SLC8A1: variants seen among roughly 807,000 people sequenced by gnomAD.
The protein encoded by SLC8A1 is sodium/calcium exchanger 1.
SLC8A1 carries 18 observed loss-of-function variants against 68.3 expected under a neutral mutation model. That is an observed-to-expected ratio of 0.26 (90% CI 0.18 to 0.39). The LOEUF (loss-of-function observed/expected upper bound fraction) is 0.39. SLC8A1 is among the 10% of genes least tolerant of loss of function. The probability of loss-of-function intolerance (pLI) is 1.00; values close to 1 mark genes in which losing one functional copy is unlikely to be tolerated. For missense variants in SLC8A1, 985 were observed against 1,156.7 expected (o/e 0.85, Z 2.15); for synonymous variants, 475 against 415.5 (o/e 1.14, Z -1.74).
chr2:40,235,498 T>G (rs2060244766), intron 2 of SLC8A1, among the ~76,000 whole-genome samples: 1 of 152,126 alleles, frequency 6.6e-6, no homozygotes, highest in African/African-American at 2.4e-5. Flanking sequence ...CTTTTTTTCT[T>G]TATTAGTCTT....
chr2:40,325,707 G>A (rs186828716), intron 2 of SLC8A1, among the ~76,000 whole-genome samples: 1 of 149,226 alleles, frequency 6.7e-6, no homozygotes, highest in East Asian at 2.0e-4. Flanking sequence ...GCCAAGACGG[G>A]TGGATCACAA....
At chr2:40,156,612 T>C (rs1238840111) in intron 6 of SLC8A1, among the ~76,000 whole-genome samples, 1 of 151,972 alleles carries the variant, frequency 6.6e-6, no homozygotes, top group Non-Finnish European at 1.5e-5. Context: ...CTTCAGGGAA[T>C]TGACTGGCAT....
intron 1 of SLC8A1, among the ~76,000 whole-genome samples, chr2:40,504,303 C>A (rs1706233275): frequency 1.3e-5 from 2 of 151,880 alleles, no homozygotes. Flanking sequence ...ATACAACAAT[C>A]AAATAAAAAT....
intron 2 of SLC8A1, chr2:40,337,232 A>G: frequency 3.6e-6 from 1 of 274,746 alleles, no homozygotes. Flanking sequence ...CACTGTTTTG[A>G]AATGGTATTT....
At chr2:40,356,640 T>C (rs1472558886) in intron 2 of SLC8A1, among the ~76,000 whole-genome samples, 1 of 149,610 alleles carries the variant, frequency 6.7e-6, no homozygotes, top group African/African-American at 2.4e-5. Flanking sequence ...TATTGGATAA[T>C]GTTAAGATGT....
At chr2:40,402,967 AAAATTAAAGCCACAAATTTTTCCCCT>A (rs1689193029) in intron 2 of SLC8A1, among the ~76,000 whole-genome samples, 2 of 152,198 alleles carry the variant, frequency 1.3e-5, no homozygotes, top group Non-Finnish European at 2.9e-5. Flanking sequence ...ACAGTTAACG[AAAATTAAAGCCACAAATTTTTCCCCT>A]AATTAGACAT....
intron 7 of SLC8A1, among the ~76,000 whole-genome samples, chr2:40,116,391 C>T (rs1249546389): frequency 6.6e-6 from 1 of 152,042 alleles, no homozygotes; most frequent in Non-Finnish European, 1.5e-5. Flanking sequence ...TATACATGTG[C>T]CATGCTGGTG....
intron 2 of SLC8A1, among the ~76,000 whole-genome samples, chr2:40,212,275 T>A (rs1044972029): frequency 7.7e-6 from 1 of 130,286 alleles, no homozygotes; most frequent in African/African-American, 2.9e-5. Context: ...ACAGAAGAGA[T>A]GCAATATCTT....
At position 40,221,970 on chromosome 2, in the gene SLC8A1, A is replaced by G. The variant is rs564610403; in HGVS notation, c.1809-44115T>C. ...CAAAGTAATTTATAGATTCAATGCT[A>G]TCCCCATCAAGCTACCATTGACTTT... On this transcript the variant is annotated intron_variant, in intron 2 of 7. Transcript: ENST00000406785. Among the ~76,000 whole-genome samples, 188 of 152,302 alleles carry G rather than the reference A, an allele frequency of 1.2e-3. 1 individual carries two copies. Among genetic ancestry groups the G allele is most frequent in the Non-Finnish European group, 2.4e-3 (163 of 68,034 alleles).
At position 40,428,396 on chromosome 2, in the gene SLC8A1, C is replaced by T. The variant is rs140536465; in HGVS notation, c.1808+77G>A. The T allele has an allele frequency of 4.6e-4, 659 of 1,422,888 alleles. 5 individuals are homozygous for T. In the African/African-American group the frequency reaches 9.0e-3, roughly 19 times the overall value. 88.1% of individuals were successfully genotyped at this position (1,422,888 alleles called of 1,614,324 possible). A position where few individuals can be genotyped will look rare whatever the true frequency, so the allele number is the denominator to read the frequency against. On this transcript the variant is annotated intron_variant, in intron 2 of 7. Transcript: ENST00000406785. ...GCTATTTAATTTAAAAAATGATGCACAGACTCACATTCATAAACACACTGA... is the reference window on the plus strand; with the variant it reads ...GCTATTTAATTTAAAAAATGATGCATAGACTCACATTCATAAACACACTGA...
intron 2 of SLC8A1, among the ~76,000 whole-genome samples, chr2:40,387,411 TAA>T (rs980179404): frequency 3.5e-4 from 53 of 151,484 alleles, no homozygotes; most frequent in African/African-American, 1.2e-3. Flanking sequence ...ATGAACTGGC[TAA>T]AGTTTCCAAA....
exon 7 of SLC8A1, chr2:40,139,455 G>A (rs777179297): frequency 2.1e-5 from 34 of 1,614,150 alleles, no homozygotes; most frequent in Non-Finnish European, 2.9e-5. Context: ...GAATCTTTCA[G>A]GCCAATGGTG....
At chr2:40,465,525 C>T (rs1703619468) in intron 1 of SLC8A1, among the ~76,000 whole-genome samples, 1 of 152,114 alleles carries the variant, frequency 6.6e-6, no homozygotes, top group Non-Finnish European at 1.5e-5. Flanking sequence ...CATAATGGAA[C>T]AAGCATCTGA....
chr2:40,287,327 T>C (rs1357192687), intron 2 of SLC8A1, among the ~76,000 whole-genome samples: 1 of 152,162 alleles, frequency 6.6e-6, no homozygotes, highest in Admixed American at 6.5e-5. Context: ...ATCAACAGCT[T>C]AGAAAACAGC....
At position 40,464,093 on chromosome 2, in the gene SLC8A1, C is replaced by G. The variant is rs182200769; in HGVS notation, c.-24-33789G>C. Among the ~76,000 whole-genome samples, 663 of 152,138 alleles carry G rather than the reference C, an allele frequency of 4.4e-3. 8 individuals carry two copies. Among genetic ancestry groups the G allele is most frequent in the African/African-American group, 0.015 (630 of 41,490 alleles). ...TATTTTTAGTAGAGACGGGGTTTCA[C>G]CATATTGACTAGGCTGGTCTTGAAC... On this transcript the variant is annotated intron_variant, in intron 1 of 7. Transcript: ENST00000402441.
intron 6 of SLC8A1, among the ~76,000 whole-genome samples, chr2:40,151,156 CTTA>C (rs1335824274): frequency 2.6e-5 from 4 of 152,074 alleles, no homozygotes; most frequent in South Asian, 4.1e-4. Flanking sequence ...ATAAATATAT[CTTA>C]TGTGTACAAA....
At chr2:40,165,768 T>C (rs545071830) in intron 4 of SLC8A1, among the ~76,000 whole-genome samples, 90 of 152,210 alleles carry the variant, frequency 5.9e-4, no homozygotes, top group African/African-American at 2.1e-3. Context: ...GCTGAGGAAA[T>C]GTTAATGGAT....
At chr2:40,323,341 T>G (rs2075434671) in intron 2 of SLC8A1, among the ~76,000 whole-genome samples, 1 of 152,140 alleles carries the variant, frequency 6.6e-6, no homozygotes, top group Non-Finnish European at 1.5e-5. Context: ...ACTATTACTG[T>G]CCATAAAAAG....
intron 6 of SLC8A1, among the ~76,000 whole-genome samples, chr2:40,142,610 A>T (rs934267191): frequency 3.3e-5 from 5 of 152,208 alleles, no homozygotes; most frequent in African/African-American, 1.2e-4. Flanking sequence ...GAACAAGAGA[A>T]CAAATAATGA....
Sources: allele counts gnomAD v4.1 joint callset (sites outside exome capture counted in the v4.1 genomes callset), GRCh38; gene constraint gnomAD v4.1.1; transcripts MANE v1.5; gene names NCBI Gene and HGNC (gene_info 2026-07-23, HGNC 2026-07-21).